Variants in ZZEF1 observed in about 807,000 individuals in gnomAD.
ZZEF1 encodes the protein zinc finger ZZ-type and EF-hand domain-containing protein 1.
ZZEF1 carries 157 observed loss-of-function variants against 342.8 expected under a neutral mutation model. That is an observed-to-expected ratio of 0.46 (90% confidence interval 0.40 to 0.52). ZZEF1 has a LOEUF of 0.52. ZZEF1 is among the 20% of genes least tolerant of loss of function. ZZEF1 has a pLI of 0.00. For synonymous variants in ZZEF1, 1,505 were observed against 1,429.1 expected, an observed-to-expected ratio of 1.05 and a Z score of -1.20; for missense variants, 3,480 against 3,725.6, an observed-to-expected ratio of 0.93 and a Z score of 1.72.
At chr17:4,136,343 CAA>C (rs10567843) in intron 1 of ZZEF1, among the ~76,000 whole-genome samples, 22 of 130,482 alleles carry the variant, frequency 1.7e-4, no homozygotes, top group Admixed American at 3.7e-4. Context: ...GACTCCGTCT[CAA>C]AAAAAAAAAA....
chr17:4,032,809 G>A lies in ZZEF1; in HGVS notation c.6759+19C>T. On this transcript the variant is annotated intron_variant, in intron 41 of 54. Coordinates refer to ENST00000381638, the MANE Select transcript of ZZEF1 (RefSeq NM_015113.4). ...ACTGGAAGGGGTGACCAGGCCCTCAGGCCTTCAGAGTGTGGTACCTGGGGG... is the reference window on the plus strand; with the variant it reads ...ACTGGAAGGGGTGACCAGGCCCTCAAGCCTTCAGAGTGTGGTACCTGGGGG... The A allele has an allele frequency of 6.2e-7, 1 of 1,612,388 alleles. No homozygotes were observed. Among genetic ancestry groups the A allele is most frequent in the South Asian group, 1.1e-5 (1 of 91,006 alleles).
intron 14 of ZZEF1, 126 bp from the exon 15 acceptor site, chr17:4,086,781 G>T: frequency 1.2e-6 from 1 of 855,774 alleles, no homozygotes; most frequent in Non-Finnish European, 1.8e-6. Context: ...GCCAACTGAT[G>T]CAAACTGAGA....
chr17:4,024,418 T>G (rs2145003365), intron 43 of ZZEF1, among the ~76,000 whole-genome samples: 1 of 152,114 alleles, frequency 6.6e-6, no homozygotes, highest in East Asian at 1.9e-4. Context: ...AGGCTGGTCT[T>G]GAACTCCTGA....
chr17:4,024,516 C>T (rs1328595529), intron 43 of ZZEF1, among the ~76,000 whole-genome samples: 5 of 152,124 alleles, frequency 3.3e-5, no homozygotes, highest in Non-Finnish European at 1.5e-5. Context: ...AGCTTTTCAA[C>T]TTGTCTACCT....
rs1680298259 is a variant in ZZEF1, at chr17:4,025,138, A to G, written c.6893-20T>C. 3 of 1,611,734 alleles carry G rather than the reference A, an allele frequency of 1.9e-6. No individual in the cohort carries two copies. In the African/African-American group the frequency reaches 4.0e-5, roughly 22 times the overall value. ...CCTTCACTGAAGGGTGACATCAGGC[A>G]GAAAAAGAAAGGCACAAAAGTACAG... On this transcript the variant is annotated intron_variant, in intron 42 of 54. Coordinates refer to ENST00000381638, the MANE Select transcript of ZZEF1 (RefSeq NM_015113.4).
intron 31 of ZZEF1, among the ~76,000 whole-genome samples, chr17:4,058,672 C>T (rs2057220371): frequency 6.6e-6 from 1 of 152,156 alleles, no homozygotes; most frequent in South Asian, 2.1e-4. Flanking sequence ...CCCAGGAGCT[C>T]AAGGCCAGCC....
At chr17:4,137,984 T>C (rs528495637) in intron 1 of ZZEF1, among the ~76,000 whole-genome samples, 2 of 140,868 alleles carry the variant, frequency 1.4e-5, no homozygotes, top group East Asian at 4.5e-4. Context: ...ACAGGGCTCA[T>C]GCGGGGGTAG....
chr17:4,088,608 G>C (rs990261021), intron 13 of ZZEF1, 70 bp downstream of exon 13: 2 of 1,530,004 alleles, frequency 1.3e-6, no homozygotes, highest in African/African-American at 2.7e-5. Flanking sequence ...ATCAGTTGGT[G>C]TTCATTTCTC....
intron 2 of ZZEF1, among the ~76,000 whole-genome samples, chr17:4,119,680 A>G (rs1030247651): frequency 2.0e-5 from 3 of 152,206 alleles, no homozygotes; most frequent in Non-Finnish European, 4.4e-5. Flanking sequence ...TAAAGGAGGT[A>G]AGACTCTCAC....
At chr17:4,067,857 T>C (rs965248806) in intron 26 of ZZEF1, among the ~76,000 whole-genome samples, 9 of 152,148 alleles carry the variant, frequency 5.9e-5, no homozygotes, top group Non-Finnish European at 8.8e-5. Context: ...TGAAGGTAGA[T>C]TGCTTGAGGC....
rs754590489 is a variant in ZZEF1 at position 4,044,387 on chromosome 17, A to C, written c.6016-13T>G. ...CAGCTCTCTTTCCCTAAAAAAACAAAAGTGTAAAAGAATTAAGGTTTCTTA... is the reference window on the plus strand; with the variant it reads ...CAGCTCTCTTTCCCTAAAAAAACAACAGTGTAAAAGAATTAAGGTTTCTTA... On this transcript the variant is annotated splice_polypyrimidine_tract_variant and intron_variant, in intron 37 of 54. Transcript: ENST00000381638. 1 of 1,599,720 alleles carries C rather than the reference A, an allele frequency of 6.3e-7. No individual in the cohort carries two copies. Among genetic ancestry groups the C allele is most frequent in the Non-Finnish European group, 8.5e-7 (1 of 1,174,878 alleles).
chr17:4,126,816 C>T (rs1226460861), intron 1 of ZZEF1, among the ~76,000 whole-genome samples: 1 of 152,046 alleles, frequency 6.6e-6, no homozygotes, highest in African/African-American at 2.4e-5. Context: ...AACTACAAAA[C>T]ATTAGCTGGG....
Position 4,016,052 on chromosome 17 carries a change from G to A in ZZEF1, c.8145+271C>T, listed in dbSNP as rs771118307. 6.6e-6 allele frequency among the ~76,000 whole-genome samples: 1 copy of A among 152,240 alleles called. No individual in the cohort carries two copies. The highest frequency in any genetic ancestry group is 2.4e-5 in the African/African-American group (1 of 41,462). On this transcript the variant is annotated intron_variant, in intron 49 of 54. Transcript: ENST00000381638. The surrounding 1 kb of genome is among the most constrained non-coding windows in gnomAD (Gnocchi z 4.4). ...CTCACTCTGAGGAGCCTGCCGCAGG[G>A]AAAGTAAAGCTCTCCTCCAGGGCTA...
At position 4,019,573 on chromosome 17, in the gene ZZEF1, G is replaced by A. The variant is rs146879733; in HGVS notation, c.7505+96C>T. ...CTGCTTCCCGGCCTGTCGGAGCGTC[G>A]ATCGATCCAGAAGCTGCTGCCAGGA... On this transcript the variant is annotated intron_variant, in intron 46 of 54. Transcript: ENST00000381638. 297 of 1,122,846 alleles carry A rather than the reference G, an allele frequency of 2.6e-4. 6 individuals carry two copies. In the East Asian group the frequency reaches 7.2e-3, roughly 27 times the overall value. 69.6% of individuals were successfully genotyped at this position (1,122,846 alleles called of 1,614,324 possible).
chr17:4,036,446 G>A (rs901707920), intron 39 of ZZEF1, among the ~76,000 whole-genome samples: 3 of 152,008 alleles, frequency 2.0e-5, no homozygotes, highest in East Asian at 3.9e-4. Flanking sequence ...GAGAATCACT[G>A]CTCTAAGGCC....
intron 52 of ZZEF1, 31 bp from the exon 53 acceptor site, chr17:4,009,788 T>C: frequency 6.2e-7 from 1 of 1,607,134 alleles, no homozygotes; most frequent in Non-Finnish European, 8.5e-7. Context: ...GTGGTCAGTT[T>C]ACTGAGAGCC....
At chr17:4,050,017 A>G (rs1426521898) in intron 36 of ZZEF1, among the ~76,000 whole-genome samples, 158 bp from the exon 37 acceptor site, 1 of 152,218 alleles carries the variant, frequency 6.6e-6, no homozygotes, top group Non-Finnish European at 1.5e-5. Flanking sequence ...CTCGCTGTCT[A>G]AATCTACTCA....
In ZZEF1 at chr17:4,014,596, G is replaced by T; in HGVS notation, c.8146-81C>A. 1 of 1,462,264 alleles carries T rather than the reference G, an allele frequency of 6.8e-7. No individual in the cohort carries two copies. Among genetic ancestry groups the T allele is most frequent in the East Asian group, 2.3e-5 (1 of 44,042 alleles). The allele number at this position is 1,462,264 out of a possible 1,614,324, so 90.6% of individuals were successfully genotyped here. A position where few individuals can be genotyped will look rare whatever the true frequency, so the allele number is the denominator to read the frequency against. ...GCAGCTGTCCCATGCCGAGTCCTGT[G>T]GCTGGACCCGGGTGTGTGAGAATGA... On this transcript the variant is annotated intron_variant, in intron 49 of 54. Transcript: ENST00000381638. The surrounding 1 kb of genome is among the most constrained non-coding windows in gnomAD (Gnocchi z 4.4).
At chr17:4,010,448 C>T (rs996156082) in intron 52 of ZZEF1, among the ~76,000 whole-genome samples, 3 of 151,522 alleles carry the variant, frequency 2.0e-5, no homozygotes, top group Admixed American at 1.3e-4. Context: ...TGGCCGGGCG[C>T]GGTAGCTCAC....
Sources: allele counts gnomAD v4.1 joint callset (sites outside exome capture counted in the v4.1 genomes callset), GRCh38; gene constraint gnomAD v4.1.1; non-coding constraint Gnocchi (gnomAD v3.1); transcripts MANE v1.5; gene names NCBI Gene and HGNC (gene_info 2026-07-23, HGNC 2026-07-21).